Variants in CAMK4 observed in about 807,000 individuals in gnomAD.
The protein encoded by CAMK4 is calcium/calmodulin-dependent protein kinase type IV.
Under a neutral mutation model 44.9 loss-of-function variants are expected in CAMK4, and 22 were observed. The ratio of observed to expected loss-of-function variants is 0.49; its 90% CI spans 0.35 to 0.70. The LOEUF is 0.70. Among genes scored for constraint, CAMK4 ranks in the 30% least tolerant of loss-of-function variants. The probability of loss-of-function intolerance (pLI) is 0.01; values close to 1 mark genes in which losing one functional copy is unlikely to be tolerated. For synonymous variants in CAMK4, 218 were observed against 215.4 expected, an observed-to-expected ratio of 1.01 and a Z score of -0.11; for missense variants, 498 against 586.8, an observed-to-expected ratio of 0.85 and a Z score of 1.56.
At chr5:111,367,465 G>T (rs1230909286) in intron 2 of CAMK4, among the ~76,000 whole-genome samples, 1 of 152,032 alleles carries the variant, frequency 6.6e-6, no homozygotes, top group East Asian at 1.9e-4. Context: ...ATAGCACCTA[G>T]TAACAGATAA....
At chr5:111,383,361 T>C (rs1314785390) in intron 4 of CAMK4, among the ~76,000 whole-genome samples, 3 of 152,320 alleles carry the variant, frequency 2.0e-5, no homozygotes, top group African/African-American at 7.2e-5. Context: ...TTGGAATAAG[T>C]TGGAAGACAC....
At chr5:111,411,652 A>C (rs1429594610) in intron 5 of CAMK4, among the ~76,000 whole-genome samples, 1 of 152,198 alleles carries the variant, frequency 6.6e-6, no homozygotes, top group Non-Finnish European at 1.5e-5. Context: ...TGTGATCATC[A>C]CTATTTACAA....
At chr5:111,341,922 C>T (rs1015163716) in intron 1 of CAMK4, among the ~76,000 whole-genome samples, 3 of 151,418 alleles carry the variant, frequency 2.0e-5, no homozygotes, top group African/African-American at 7.3e-5. Flanking sequence ...GACAACTGTT[C>T]TTTATTTCGT....
chr5:111,455,708 C>T (rs565983522), intron 7 of CAMK4, among the ~76,000 whole-genome samples: 4 of 152,072 alleles, frequency 2.6e-5, no homozygotes, highest in Admixed American at 6.5e-5. Flanking sequence ...CATATTTGGC[C>T]CTGTTTACCT....
chr5:111,234,361 C>T (rs1184164142), intron 1 of CAMK4, among the ~76,000 whole-genome samples: 1 of 151,910 alleles, frequency 6.6e-6, no homozygotes, highest in Non-Finnish European at 1.5e-5. Flanking sequence ...CCATTGTAAC[C>T]AAAACAGTCA....
chr5:111,252,369 G>T (rs1301931360), intron 1 of CAMK4, among the ~76,000 whole-genome samples: 1 of 152,106 alleles, frequency 6.6e-6, no homozygotes, highest in African/African-American at 2.4e-5. Context: ...ATACATTTTT[G>T]TTTAGTATGG....
intron 7 of CAMK4, among the ~76,000 whole-genome samples, chr5:111,456,769 C>CT (rs1181973702): frequency 1.3e-5 from 2 of 152,070 alleles, no homozygotes; most frequent in Non-Finnish European, 2.9e-5. Flanking sequence ...AAATATGACA[C>CT]TTCCTACTGG....
intron 1 of CAMK4, among the ~76,000 whole-genome samples, chr5:111,272,901 C>T (rs1040034028): frequency 1.3e-5 from 2 of 152,122 alleles, no homozygotes; most frequent in South Asian, 4.1e-4. Context: ...TTATTTTCCA[C>T]TCTGATACAC....
intron 1 of CAMK4, among the ~76,000 whole-genome samples, chr5:111,293,551 G>A (rs748032120): frequency 2.7e-5 from 4 of 145,668 alleles, no homozygotes; most frequent in South Asian, 2.2e-4. Context: ...CTCAGTCTCC[G>A]GAGTAGCTGG....
chr5:111,230,845 A>C (rs554565065), intron 1 of CAMK4, among the ~76,000 whole-genome samples: 1 of 151,992 alleles, frequency 6.6e-6, no homozygotes, highest in Non-Finnish European at 1.5e-5. Context: ...GGGTTTTTTA[A>C]AAACTCTTTT....
Position 111,406,194 on chromosome 5 carries a change from TTC to T in CAMK4, c.459+11441_459+11442del, listed in dbSNP as rs10524853. The stretch of plus-strand genomic sequence containing the variant: ...TCCTGTTTCCTTCTCCTAATTTATT[TTC>T]TCTCTCTCTCTCTCTCTCTCTCTCT... On this transcript the variant is annotated intron_variant, in intron 5 of 10. Transcript: ENST00000282356. Among the ~76,000 whole-genome samples the T allele has an allele frequency of 6.7e-3, 921 of 136,812 alleles. 5 individuals carry two copies. The highest frequency in any genetic ancestry group is 0.013 in the African/African-American group (461 of 35,270). 89.8% of individuals were successfully genotyped at this position (136,812 alleles called of 152,430 possible). A position where few individuals can be genotyped will look rare whatever the true frequency, so the allele number is the denominator to read the frequency against.
chr5:111,410,996 AT>A (rs374607328), intron 5 of CAMK4, among the ~76,000 whole-genome samples: 5 of 152,010 alleles, frequency 3.3e-5, no homozygotes, highest in African/African-American at 1.2e-4. Context: ...CTTTTCTCAG[AT>A]TTTTTTTGTT....
chr5:111,460,851 A>ATT (rs552877300), intron 7 of CAMK4, among the ~76,000 whole-genome samples: 1 of 150,890 alleles, frequency 6.6e-6, no homozygotes, highest in Non-Finnish European at 1.5e-5. Flanking sequence ...AATAAGTTGT[A>ATT]TTTTTTTTTC....
At chr5:111,263,633 T>C (rs1401932624) in intron 1 of CAMK4, among the ~76,000 whole-genome samples, 2 of 152,216 alleles carry the variant, frequency 1.3e-5, no homozygotes, top group African/African-American at 4.8e-5. Context: ...TAATCCATTT[T>C]TAATATAAAC....
Position 111,468,712 on chromosome 5 carries a change from G to C in CAMK4, c.626-4599G>C, listed in dbSNP as rs143890421. Among the ~76,000 whole-genome samples the C allele has an allele frequency of 8.7e-3, 1,330 of 152,264 alleles. 18 individuals are homozygous for C. Among genetic ancestry groups the C allele is most frequent in the African/African-American group, 0.03 (1,256 of 41,554 alleles). ...TTAAAATATTAAGCTGGGTACTGTG[G>C]CTCATGCCTGTAATTCCAGCACTTT... On this transcript the variant is annotated intron_variant, in intron 7 of 10. Coordinates refer to ENST00000282356, the MANE Select transcript of CAMK4 (RefSeq NM_001744.6).
chr5:111,438,952 G>A (rs1469546753), intron 5 of CAMK4, among the ~76,000 whole-genome samples: 2 of 152,116 alleles, frequency 1.3e-5, no homozygotes, highest in Non-Finnish European at 2.9e-5. Context: ...TAACAACCTG[G>A]GGTCTGCATC....
chr5:111,441,597 A>C (rs538934263), intron 5 of CAMK4, among the ~76,000 whole-genome samples: 1 of 152,074 alleles, frequency 6.6e-6, no homozygotes, highest in Non-Finnish European at 1.5e-5. Context: ...AGATTTTAAA[A>C]ATCTTCTCCC....
intron 8 of CAMK4, among the ~76,000 whole-genome samples, chr5:111,474,673 A>G (rs540367936): frequency 1.1e-4 from 17 of 152,312 alleles, no homozygotes; most frequent in African/African-American, 3.6e-4. Flanking sequence ...AAAAAATTCA[A>G]TATCCAGGTG....
At chr5:111,337,145 A>G (rs1375618672) in intron 1 of CAMK4, among the ~76,000 whole-genome samples, 3 of 151,266 alleles carry the variant, frequency 2.0e-5, no homozygotes, top group African/African-American at 7.3e-5. Context: ...TGAGAGTATT[A>G]TAAATGAGAT....
Sources: allele counts gnomAD v4.1 joint callset (sites outside exome capture counted in the v4.1 genomes callset), GRCh38; gene constraint gnomAD v4.1.1; transcripts MANE v1.5; gene names NCBI Gene and HGNC (gene_info 2026-07-23, HGNC 2026-07-21).